Variants in TMEM234 observed in about 807,000 individuals in gnomAD.
TMEM234 encodes transmembrane protein 234.
Under a neutral mutation model 17.8 loss-of-function variants are expected in TMEM234, and 21 were observed. The ratio of observed to expected loss-of-function variants is 1.18; its 90% CI spans 0.84 to 1.70. The LOEUF is 1.70. Among genes scored for constraint, TMEM234 ranks in the 40% most tolerant of loss-of-function variants. The pLI is 0.00. For synonymous variants in TMEM234, 83 were observed against 73.5 expected (o/e 1.13, Z -0.66); for missense variants, 137 against 166.9 (o/e 0.82, Z 0.99).
At chr1:32,218,410 G>C (rs1046972452) in intron 3 of TMEM234, among the ~76,000 whole-genome samples, 2 of 151,794 alleles carry the variant, frequency 1.3e-5, no homozygotes, top group Admixed American at 6.6e-5. Flanking sequence ...TGAGAAACAA[G>C]AGTGAAACTC....
intron 3 of TMEM234, among the ~76,000 whole-genome samples, chr1:32,220,737 C>G (rs1422822945): frequency 1.3e-5 from 2 of 152,054 alleles, no homozygotes; most frequent in African/African-American, 4.8e-5. Context: ...TAGATGTTTC[C>G]CATTCATTAA....
downstream of TMEM234, chr1:32,215,817 G>A (rs1212873086): frequency 6.4e-7 from 1 of 1,552,720 alleles, no homozygotes. Context: ...AGCACAGATA[G>A]TGGAAGAGGC....
chr1:32,221,044 G>T, intron 3 of TMEM234, 87 bp downstream of exon 3: 1 of 1,024,496 alleles, frequency 9.8e-7, no homozygotes, highest in Non-Finnish European at 1.5e-6. Flanking sequence ...ATGGGAATGA[G>T]GTGTTTCAAG....
rs892587170 is a variant in TMEM234, at chr1:32,221,064, G to GC, written c.235+66dup. On this transcript the variant is annotated intron_variant, in intron 3 of 4. Transcript: ENST00000309777. ...AATGAGGTGTTTCAAGCTCCACCCC[G>GC]CCCCCCCCAATCACTCTTCCAGGTG... is the stretch of plus-strand genomic sequence containing the variant. 410 of 1,326,418 alleles carry GC rather than the reference G, an allele frequency of 3.1e-4. 1 individual carries two copies. The highest frequency in any genetic ancestry group is 1.1e-3 in the South Asian group (88 of 81,746). 82.2% of individuals were successfully genotyped at this position (1,326,418 alleles called of 1,614,324 possible).
intron 1 of TMEM234, 115 bp downstream of exon 1, chr1:32,222,192 G>C (rs1306710743): frequency 2.7e-6 from 4 of 1,501,020 alleles, no homozygotes; most frequent in Admixed American, 2.2e-5. Flanking sequence ...ATGAATCCAG[G>C]AGTCCGGCCT....
At chr1:32,215,195 CT>C (rs1013430328), downstream of TMEM234, 24 of 588,812 alleles carry the variant, frequency 4.1e-5, no homozygotes, top group Non-Finnish European at 6.4e-5. Flanking sequence ...TTCACAGGGC[CT>C]CATCACATGA....
intron 1 of TMEM234, 102 bp from the exon 2 acceptor site, chr1:32,222,120 CCTT>C: frequency 6.6e-7 from 1 of 1,503,974 alleles, no homozygotes; most frequent in Non-Finnish European, 8.9e-7. Flanking sequence ...CCACTTCCCT[CCTT>C]CGCTCTCTTC....
At chr1:32,216,017 G>T (rs367644265), downstream of TMEM234, 10 of 861,218 alleles carry the variant, frequency 1.2e-5, no homozygotes, top group African/African-American at 1.5e-4. Context: ...GTACACTGCG[G>T]CCTCCTCAGC....
downstream of TMEM234, chr1:32,215,037 C>T (rs1638261641): frequency 1.4e-6 from 2 of 1,396,178 alleles, no homozygotes; most frequent in Non-Finnish European, 1.9e-6. Context: ...AATGCTCAGA[C>T]ACAAAGCCGG....
At chr1:32,215,395 G>C (rs1638296339), downstream of TMEM234, 1 of 1,524,590 alleles carries the variant, frequency 6.6e-7, no homozygotes, top group East Asian at 2.3e-5. Context: ...GAATGCTGAG[G>C]GCTCTTCAGC....
intron 3 of TMEM234, among the ~76,000 whole-genome samples, chr1:32,220,760 C>A (rs960007612): frequency 6.6e-6 from 1 of 152,162 alleles, no homozygotes. Context: ...TTAATCCTCA[C>A]AATGCTATGA....
Position 32,216,514 on chromosome 1 carries a change from G to A in TMEM234, c.*339C>T, listed in dbSNP as rs1418640570. On this transcript the variant is annotated 3_prime_UTR_variant, in exon 5 of 5. Coordinates refer to ENST00000309777, the MANE Select transcript of TMEM234 (RefSeq NM_019118.5). ...TGCAGCTGGAGTTCTGCAGTCCATGGAACCTGCCACCATGATAGTCCAGAT... is the reference window on the plus strand; with the variant it reads ...TGCAGCTGGAGTTCTGCAGTCCATGAAACCTGCCACCATGATAGTCCAGAT... 2 of 1,551,730 alleles carry A rather than the reference G, an allele frequency of 1.3e-6. No individual in the cohort carries two copies. The highest frequency in any genetic ancestry group is 2.4e-5 in the South Asian group (2 of 84,060).
intron 4 of TMEM234, 29 bp from the exon 5 acceptor site, chr1:32,216,976 T>G (rs769099298): frequency 1.2e-6 from 2 of 1,613,614 alleles, no homozygotes; most frequent in Non-Finnish European, 1.7e-6. Flanking sequence ...ATCAGGAGGG[T>G]CTGAGCTCAG....
In TMEM234 at chr1:32,221,208, G is replaced by A. The variant is rs752071851; in HGVS notation, c.169-11C>T. The A allele has an allele frequency of 7.5e-6, 12 of 1,610,606 alleles. No individual in the cohort carries two copies. The Admixed American group carries it at 2.0e-4, about 27-fold the overall frequency. On this transcript the variant is annotated splice_polypyrimidine_tract_variant and intron_variant, in intron 2 of 4. Transcript: ENST00000309777. ...AAAGGGCATCAGGTACTGGAAAGAG[G>A]AGAAACCTGCAGTCAGTGTGATGGC... is the stretch of plus-strand genomic sequence containing the variant.
In TMEM234 at chr1:32,222,303, C is replaced by T. The variant is rs200570217; in HGVS notation, c.16+4G>A. 3.2e-5 allele frequency: 49 copies of T among 1,554,966 alleles called. No homozygotes were observed. The Admixed American group carries it at 8.6e-4, about 27-fold the overall frequency. On this transcript the variant is annotated splice_donor_region_variant and intron_variant, in intron 1 of 4. Coordinates refer to ENST00000309777, the MANE Select transcript of TMEM234 (RefSeq NM_019118.5). Reference sequence around the variant, plus strand: ...TCCATGGAAGGGCGGGGCCGGCTACCTACCCAGAGACGCCGCCATGGCAAC... The same window carrying T: ...TCCATGGAAGGGCGGGGCCGGCTACTTACCCAGAGACGCCGCCATGGCAAC...
At chr1:32,215,481 A>G (rs761959806), downstream of TMEM234, 1 of 1,613,570 alleles carries the variant, frequency 6.2e-7, no homozygotes, top group South Asian at 1.1e-5. Context: ...AAGGAAGGAG[A>G]CAGCGGGGGC....
Position 32,219,248 on chromosome 1 carries a change from C to T in TMEM234, c.235+1883G>A, listed in dbSNP as rs1638681728. Among the ~76,000 whole-genome samples, 4 of 152,210 alleles carry T rather than the reference C, an allele frequency of 2.6e-5. No homozygotes were observed. The South Asian group carries it at 6.2e-4, about 24-fold the overall frequency. On this transcript the variant is annotated intron_variant, in intron 3 of 4. Coordinates refer to ENST00000309777, the MANE Select transcript of TMEM234 (RefSeq NM_019118.5). ...CCTCAGCAAATTCTTTCCCAGCACTCCCAGGGCTCGCCTGTGTGAGGCAAA... is the reference window on the plus strand; with the variant it reads ...CCTCAGCAAATTCTTTCCCAGCACTTCCAGGGCTCGCCTGTGTGAGGCAAA...
In TMEM234 at chr1:32,216,882, TACTC is replaced by T; in HGVS notation, c.390_393del (p.Ser131ArgfsTer37). On this transcript the variant is annotated frameshift_variant, in exon 5 of 5. Coordinates refer to ENST00000309777, the MANE Select transcript of TMEM234 (RefSeq NM_019118.5). LOFTEE classifies it high-confidence loss of function. ...AGGGTAGACTGTTGCCCCTGGGTCTTACTCACTGAGCTTGTGATGCAGAGTGAAA... is the reference window on the plus strand; with the variant it reads ...AGGGTAGACTGTTGCCCCTGGGTCTTACTGAGCTTGTGATGCAGAGTGAAA... 1.2e-6 allele frequency: 2 copies of T among 1,614,212 alleles called. No homozygotes were observed. Among genetic ancestry groups the T allele is most frequent in the East Asian group, 4.5e-5 (2 of 44,886 alleles).
At chr1:32,215,786 C>T (rs1415907874), downstream of TMEM234, 25 of 1,543,920 alleles carry the variant, frequency 1.6e-5, no homozygotes, top group South Asian at 2.4e-4. Flanking sequence ...TCTGTATGGC[C>T]TTCCACCTCC....
Sources: gnomAD v4.1 joint callset for allele counts (sites outside exome capture counted in the v4.1 genomes callset) on GRCh38, gnomAD v4.1.1 for gene constraint, MANE v1.5 for transcripts, NCBI Gene and HGNC (gene_info 2026-07-23, HGNC 2026-07-21) for gene names.